The following LRRC69 variants were observed in gnomAD, a reference collection of about 807,000 sequenced individuals.
The protein encoded by LRRC69 is leucine-rich repeat-containing protein 69.
LRRC69 carries 42 observed loss-of-function variants against 37.8 expected under a neutral mutation model. The observed-to-expected ratio is 1.11, with a 90% CI of 0.87 to 1.44. The LOEUF (loss-of-function observed/expected upper bound fraction) is 1.44. Among genes scored for constraint, LRRC69 ranks in the 40% most tolerant of loss-of-function variants. The probability of loss-of-function intolerance (pLI) is 0.00; values close to 1 mark genes in which losing one functional copy is unlikely to be tolerated. For synonymous variants in LRRC69, 141 were observed against 143.1 expected (o/e 0.99, Z 0.11); for missense variants, 357 against 401.9 (o/e 0.89, Z 0.96).
Position 91,200,712 on chromosome 8 carries a change from C to T in LRRC69, c.853C>T (p.Gln285Ter). The change falls in exon 7 of 8, where the codon CAG becomes TAG. Residue 285 changes from glutamine to a stop codon, truncating the protein, a stop_gained. Coordinates refer to ENST00000448384, the Ensembl canonical transcript of LRRC69. LOFTEE classifies it high-confidence loss of function. The stretch of plus-strand genomic sequence containing the variant: ...CCCACAAGTCAGGAGCATGATCTCT[C>T]AGGGAAAAACATGTGCAATATGTGG... 1 of 1,534,218 alleles carries T rather than the reference C, an allele frequency of 6.5e-7. No homozygotes were observed. Among genetic ancestry groups the T allele is most frequent in the Non-Finnish European group, 8.8e-7 (1 of 1,140,674 alleles).
At chr8:91,117,031 A>C (rs1253773139) in intron 1 of LRRC69, among the ~76,000 whole-genome samples, 1 of 152,074 alleles carries the variant, frequency 6.6e-6, no homozygotes, top group African/African-American at 2.4e-5. Flanking sequence ...ACTTTCAGGT[A>C]TGAGTGGGTC....
intron 5 of LRRC69, among the ~76,000 whole-genome samples, chr8:91,139,424 C>T (rs1012449602): frequency 6.6e-6 from 1 of 151,798 alleles, no homozygotes; most frequent in African/African-American, 2.4e-5. Flanking sequence ...TGCCTGCAGT[C>T]CCAGCTACTC....
intron 5 of LRRC69, among the ~76,000 whole-genome samples, chr8:91,162,886 T>C (rs1248516215): frequency 6.6e-6 from 1 of 151,390 alleles, no homozygotes; most frequent in African/African-American, 2.4e-5. Flanking sequence ...ACTTTTTTTT[T>C]CAGCTTTGTC....
rs1266384006 is a variant in LRRC69, at chr8:91,124,494, T to A, written c.185T>A (p.Leu62Ter). 1.3e-6 allele frequency: 2 copies of A among 1,531,412 alleles called. No individual in the cohort carries two copies. The highest frequency in any genetic ancestry group is 4.3e-5 in the Admixed American group (2 of 46,104). 94.9% of individuals were successfully genotyped at this position (1,531,412 alleles called of 1,614,324 possible). A position where few individuals can be genotyped will look rare whatever the true frequency, so the allele number is the denominator to read the frequency against. The change falls in exon 2 of 8, where the codon TTG becomes TAG. Residue 62 changes from leucine to a stop codon, truncating the protein, a stop_gained and splice_region_variant. Transcript: ENST00000448384. LOFTEE classifies it high-confidence loss of function. The stretch of plus-strand genomic sequence containing the variant: ...CATTAAACCTCTATATGTTTGCAGT[T>A]GACAACACTAAATCTGGGAAACAAC...
chr8:91,187,200 T>C (rs1809420883), intron 5 of LRRC69, among the ~76,000 whole-genome samples: 2 of 152,218 alleles, frequency 1.3e-5, no homozygotes, highest in South Asian at 4.2e-4. Flanking sequence ...GGTATGGCAA[T>C]GTGACCACTG....
chr8:91,109,096 A>C (rs1813368446), intron 1 of LRRC69, among the ~76,000 whole-genome samples: 1 of 151,956 alleles, frequency 6.6e-6, no homozygotes, highest in African/African-American at 2.4e-5. Context: ...CAAAACAGGG[A>C]TTCATTATCC....
At chr8:91,173,507 T>G (rs4259381) in intron 5 of LRRC69, among the ~76,000 whole-genome samples, 102,405 of 151,638 alleles carry the variant, frequency 0.68, 35,022 homozygotes, top group African/African-American at 0.74. Flanking sequence ...TGTATGCCTA[T>G]TTTTACCGTC....
chr8:91,117,544 A>G (rs1003360622), intron 1 of LRRC69, among the ~76,000 whole-genome samples: 3 of 149,038 alleles, frequency 2.0e-5, no homozygotes, highest in Non-Finnish European at 3.0e-5. Context: ...TAGAAGCCGA[A>G]ACTAACAAGA....
chr8:91,118,282 A>T (rs781667016), intron 1 of LRRC69: 1 of 446,468 alleles, frequency 2.2e-6, no homozygotes, highest in Non-Finnish European at 4.4e-6. Flanking sequence ...AGGCAGGCGG[A>T]TCACTTGAAA....
In LRRC69 at chr8:91,197,698, C is replaced by T. The variant is rs191885408; in HGVS notation, c.754-2915C>T. ...AGTGAGGCAATGCCTCACCCTGCTTCGGCTCGCGCACGGTGCGCGCACCCA... is the reference window on the plus strand; with the variant it reads ...AGTGAGGCAATGCCTCACCCTGCTTTGGCTCGCGCACGGTGCGCGCACCCA... On this transcript the variant is annotated intron_variant, in intron 6 of 7. Coordinates refer to ENST00000448384, the Ensembl canonical transcript of LRRC69. 5.1e-3 allele frequency among the ~76,000 whole-genome samples: 777 copies of T among 152,178 alleles called. 5 individuals carry two copies. Among genetic ancestry groups the T allele is most frequent in the African/African-American group, 0.017 (715 of 41,534 alleles).
chr8:91,118,875 T>G (rs1813565767), intron 1 of LRRC69, among the ~76,000 whole-genome samples: 1 of 152,094 alleles, frequency 6.6e-6, no homozygotes, highest in South Asian at 2.1e-4. Flanking sequence ...AAACACCATT[T>G]GAAACAATGT....
chr8:91,102,879 T>A, intron 1 of LRRC69, 35 bp downstream of exon 1: 6 of 1,506,280 alleles, frequency 4.0e-6, no homozygotes, highest in Non-Finnish European at 3.6e-6. Flanking sequence ...TGGTTTGGTA[T>A]TGAAGATGGA....
intron 6 of LRRC69, among the ~76,000 whole-genome samples, chr8:91,197,705 C>T (rs940464473): frequency 2.0e-5 from 3 of 152,050 alleles, no homozygotes; most frequent in South Asian, 2.1e-4. Flanking sequence ...CTTCGGCTCG[C>T]GCACGGTGCG....
At position 91,170,596 on chromosome 8, in the gene LRRC69, G is replaced by A. The variant is rs201595475; in HGVS notation, c.652-18926G>A. ...GAACAGAGCCCTCAGAAATAACGCC[G>A]CGTATCTACAACTATCTGATCTTTG... On this transcript the variant is annotated intron_variant, in intron 5 of 7. Coordinates refer to ENST00000448384, the Ensembl canonical transcript of LRRC69. Among the ~76,000 whole-genome samples, 38 of 66,394 alleles carry A rather than the reference G, an allele frequency of 5.7e-4. 5 individuals carry two copies. Among genetic ancestry groups the A allele is most frequent in the Middle Eastern group, 0.02 (2 of 102 alleles). The allele number at this position is 66,394 out of a possible 152,430, so 43.6% of individuals were successfully genotyped here.
chr8:91,211,042 T>A (rs1354143643), intron 7 of LRRC69, among the ~76,000 whole-genome samples: 2 of 152,068 alleles, frequency 1.3e-5, no homozygotes, highest in African/African-American at 4.8e-5. Context: ...TGAACTGACA[T>A]CAGATTTCTC....
intron 5 of LRRC69, among the ~76,000 whole-genome samples, chr8:91,148,167 G>A (rs1322955257): frequency 6.6e-6 from 1 of 151,436 alleles, no homozygotes; most frequent in Non-Finnish European, 1.5e-5. Context: ...GTGCCATGTT[G>A]GTGTGCTGCA....
chr8:91,177,196 G>A (rs532761610), intron 5 of LRRC69, among the ~76,000 whole-genome samples: 3 of 152,166 alleles, frequency 2.0e-5, no homozygotes, highest in South Asian at 4.2e-4. Context: ...TCAAAATTAT[G>A]CTGCACATGT....
intron 5 of LRRC69, among the ~76,000 whole-genome samples, chr8:91,144,014 T>G (rs1032927628): frequency 3.9e-5 from 6 of 151,966 alleles, no homozygotes; most frequent in African/African-American, 1.4e-4. Context: ...TAGGAAAGTG[T>G]CTCACATAAC....
intron 7 of LRRC69, among the ~76,000 whole-genome samples, chr8:91,208,649 T>A (rs1214593622): frequency 6.6e-6 from 1 of 152,236 alleles, no homozygotes; most frequent in Middle Eastern, 3.2e-3. Context: ...TCCTAAGTCA[T>A]TTCAGATTTT....
Sources: allele counts gnomAD v4.1 joint callset (sites outside exome capture counted in the v4.1 genomes callset), GRCh38; gene constraint gnomAD v4.1.1; transcripts MANE v1.5; gene names NCBI Gene and HGNC (gene_info 2026-07-23, HGNC 2026-07-21).